LRMDA: variants seen among roughly 807,000 people sequenced by gnomAD.
The protein encoded by LRMDA is leucine-rich melanocyte differentiation-associated protein.
In LRMDA, 18 loss-of-function variants were observed where a neutral mutation model predicts 29.8. The observed-to-expected ratio is 0.60, with a 90% CI of 0.42 to 0.90. LRMDA has a LOEUF of 0.90. LRMDA is among the 40% of genes least tolerant of loss of function. The pLI is 0.00. For missense variants in LRMDA, 273 were observed against 273.9 expected (o/e 1.00, Z 0.02); for synonymous variants, 125 against 109.4 (o/e 1.14, Z -0.89).
At chr10:75,614,571 C>T (rs1398272050) in intron 2 of LRMDA, among the ~76,000 whole-genome samples, 3 of 152,194 alleles carry the variant, frequency 2.0e-5, no homozygotes, top group Admixed American at 1.3e-4. Context: ...CTCCTGCTAT[C>T]TCTCTGCTCC....
At chr10:75,908,667 C>T (rs893535283) in intron 2 of LRMDA, among the ~76,000 whole-genome samples, 13 of 152,198 alleles carry the variant, frequency 8.5e-5, no homozygotes, top group Admixed American at 2.6e-4. Context: ...TCATCCTCTT[C>T]TTCCACAGTG....
intron 6 of LRMDA, among the ~76,000 whole-genome samples, chr10:76,548,420 A>G (rs1447637656): frequency 1.3e-5 from 2 of 151,038 alleles, no homozygotes; most frequent in Admixed American, 6.6e-5. Context: ...AAGAATAAAA[A>G]CTGTTTCAGG....
chr10:76,405,312 T>C (rs377449560), intron 6 of LRMDA, among the ~76,000 whole-genome samples: 12 of 152,340 alleles, frequency 7.9e-5, no homozygotes, highest in African/African-American at 2.6e-4. Context: ...TTGCAGTACA[T>C]GCATTCTGGT....
intron 6 of LRMDA, among the ~76,000 whole-genome samples, chr10:76,401,543 A>C (rs1841848819): frequency 6.6e-6 from 1 of 152,128 alleles, no homozygotes; most frequent in African/African-American, 2.4e-5. Flanking sequence ...AGAATTTGCC[A>C]GTGCCTTCTG....
At chr10:75,674,304 A>G (rs1279317024) in intron 2 of LRMDA, among the ~76,000 whole-genome samples, 1 of 152,190 alleles carries the variant, frequency 6.6e-6, no homozygotes, top group Non-Finnish European at 1.5e-5. Flanking sequence ...GGCAACCCGC[A>G]CAACACCTTT....
At chr10:76,003,133 A>C (rs1847588732) in intron 2 of LRMDA, among the ~76,000 whole-genome samples, 1 of 152,194 alleles carries the variant, frequency 6.6e-6, no homozygotes, top group Non-Finnish European at 1.5e-5. Context: ...AATGCCCAGC[A>C]TTTAGAAAGC....
intron 5 of LRMDA, among the ~76,000 whole-genome samples, chr10:76,199,165 T>A (rs563810152): frequency 1.3e-5 from 2 of 152,336 alleles, no homozygotes; most frequent in South Asian, 4.1e-4. Context: ...TTAAATTTTG[T>A]TTTGGAACTT....
rs1461082217 is a variant in LRMDA at position 76,558,359 on chromosome 10, C to CCT, written c.*1075_*1076dup. On this transcript the variant is annotated 3_prime_UTR_variant, in exon 7 of 7. Transcript: ENST00000611255. ...TTTGGATTTTGCATCTTTGTCATGA[C>CCT]CTCTCAGAAATCAAATCCACAGGTT... 1 of 152,178 alleles carries CCT rather than the reference C, an allele frequency of 6.6e-6. No homozygotes were observed. The highest frequency in any genetic ancestry group is 2.4e-5 in the African/African-American group (1 of 41,438). The allele number at this position is 152,178 out of a possible 1,614,324, so 9.4% of individuals were successfully genotyped here. A position where few individuals can be genotyped will look rare whatever the true frequency, so the allele number is the denominator to read the frequency against.
At chr10:76,154,430 T>C (rs1413248484) in intron 5 of LRMDA, among the ~76,000 whole-genome samples, 4 of 152,238 alleles carry the variant, frequency 2.6e-5, no homozygotes. Context: ...GCAACCTCTA[T>C]GTCTTTTTGA....
intron 2 of LRMDA, among the ~76,000 whole-genome samples, chr10:75,895,768 A>G (rs1845570465): frequency 6.6e-6 from 1 of 152,220 alleles, no homozygotes; most frequent in Non-Finnish European, 1.5e-5. Context: ...CCTTTCTGAA[A>G]TAAGCGGGTT....
chr10:75,500,360 T>C (rs1845098106), intron 2 of LRMDA, among the ~76,000 whole-genome samples: 1 of 152,218 alleles, frequency 6.6e-6, no homozygotes, highest in South Asian at 2.1e-4. Context: ...AATTTTATCA[T>C]AGGGTGAAGA....
intron 6 of LRMDA, among the ~76,000 whole-genome samples, chr10:76,456,153 G>A (rs1052371615): frequency 3.9e-5 from 6 of 152,152 alleles, no homozygotes; most frequent in Admixed American, 3.9e-4. Flanking sequence ...TCTAAAATAA[G>A]GAACAACAAA....
At chr10:75,819,010 G>A (rs138268742) in intron 2 of LRMDA, among the ~76,000 whole-genome samples, 177 of 152,312 alleles carry the variant, frequency 1.2e-3, no homozygotes, top group African/African-American at 4.0e-3. Flanking sequence ...TTGGGTTTGT[G>A]TTTCCCTGTG....
At chr10:76,078,608 G>C (rs1420518017) in intron 5 of LRMDA, among the ~76,000 whole-genome samples, 1 of 151,976 alleles carries the variant, frequency 6.6e-6, no homozygotes, top group African/African-American at 2.4e-5. Flanking sequence ...AGCTGAGACG[G>C]GTGGATCATG....
chr10:76,339,061 A>G (rs984686431), intron 6 of LRMDA, among the ~76,000 whole-genome samples: 1 of 152,192 alleles, frequency 6.6e-6, no homozygotes, highest in Non-Finnish European at 1.5e-5. Flanking sequence ...TGACAGCTAA[A>G]TGAATGGACT....
At chr10:75,493,345 T>TTGGG (rs201240234) in intron 2 of LRMDA, among the ~76,000 whole-genome samples, 3,731 of 56,794 alleles carry the variant, frequency 0.066, 79 homozygotes, top group Admixed American at 0.11. Flanking sequence ...AGGGTTGAGA[T>TTGGG]TGGGTGTGTG....
chr10:75,541,700 A>G (rs183336611), intron 2 of LRMDA, among the ~76,000 whole-genome samples: 1 of 152,304 alleles, frequency 6.6e-6, no homozygotes, highest in Admixed American at 6.5e-5. Context: ...TTGAGTTGCC[A>G]TGTTTTTTTC....
intron 2 of LRMDA, among the ~76,000 whole-genome samples, chr10:75,493,953 T>A (rs998399750): frequency 6.6e-6 from 1 of 152,150 alleles, no homozygotes; most frequent in Non-Finnish European, 1.5e-5. Flanking sequence ...AGGGTCTCAC[T>A]GTATTGCCCA....
chr10:75,679,274 G>C (rs1286238911), intron 2 of LRMDA, among the ~76,000 whole-genome samples: 1 of 151,972 alleles, frequency 6.6e-6, no homozygotes, highest in Non-Finnish European at 1.5e-5. Flanking sequence ...GATCATATAC[G>C]TTGTGCTAGG....
Sources: allele counts gnomAD v4.1 joint callset (sites outside exome capture counted in the v4.1 genomes callset), GRCh38; gene constraint gnomAD v4.1.1; transcripts MANE v1.5; gene names NCBI Gene and HGNC (gene_info 2026-07-23, HGNC 2026-07-21).